ATL3: variants seen among roughly 807,000 people sequenced by gnomAD.
ATL3 encodes the protein atlastin-3.
A neutral mutation model predicts 69.5 loss-of-function variants in ATL3; 49 were observed. The observed-to-expected ratio is 0.71, with a 90% CI of 0.56 to 0.89. ATL3 has a LOEUF of 0.89. ATL3 is among the 40% of genes least tolerant of loss of function. The probability of loss-of-function intolerance (pLI) is 0.00; values close to 1 mark genes in which losing one functional copy is unlikely to be tolerated. For missense variants in ATL3, 606 were observed against 645.7 expected, an observed-to-expected ratio of 0.94 and a Z score of 0.67; for synonymous variants, 214 against 224.1, an observed-to-expected ratio of 0.95 and a Z score of 0.40.
intron 10 of ATL3, among the ~76,000 whole-genome samples, chr11:63,633,638 C>T (rs1485978841): frequency 1.3e-5 from 2 of 151,418 alleles, no homozygotes; most frequent in African/African-American, 4.9e-5. Flanking sequence ...CCCACCTCAG[C>T]CTCCCAAAGT....
Position 63,644,149 on chromosome 11 carries a change from A to T in ATL3, c.711+20T>A. ...TCACTACTTTGAGATAATTCATCAG[A>T]AGATTATAGTCCCACTTACCTGTAA... On this transcript the variant is annotated intron_variant, in intron 7 of 12. Transcript: ENST00000398868. The T allele has an allele frequency of 6.7e-7, 1 of 1,492,544 alleles. No homozygotes were observed. Among genetic ancestry groups the T allele is most frequent in the Non-Finnish European group, 9.2e-7 (1 of 1,082,210 alleles). The allele number at this position is 1,492,544 out of a possible 1,614,324, so 92.5% of individuals were successfully genotyped here. A position where few individuals can be genotyped will look rare whatever the true frequency, so the allele number is the denominator to read the frequency against.
chr11:63,638,544 A>G (rs1423111780), intron 8 of ATL3, among the ~76,000 whole-genome samples: 1 of 152,140 alleles, frequency 6.6e-6, no homozygotes, highest in Non-Finnish European at 1.5e-5. Context: ...GTTTCTACTA[A>G]AAACACAAAA....
chr11:63,667,246 A>G (rs1940596116), intron 1 of ATL3, among the ~76,000 whole-genome samples: 2 of 152,138 alleles, frequency 1.3e-5, no homozygotes, highest in Admixed American at 6.6e-5. Context: ...GGACTACTTC[A>G]TTGCTGTAAA....
At chr11:63,635,451 C>A in intron 10 of ATL3, 83 bp downstream of exon 10, 1 of 1,211,086 alleles carries the variant, frequency 8.3e-7, no homozygotes, top group Non-Finnish European at 1.2e-6. Flanking sequence ...AGTGCATTCT[C>A]TTCCTAAAGA....
At chr11:63,640,594 C>CTTTTT (rs1172516886) in intron 8 of ATL3, among the ~76,000 whole-genome samples, 1 of 84,346 alleles carries the variant, frequency 1.2e-5, no homozygotes, top group Non-Finnish European at 2.2e-5. Flanking sequence ...ACCATAGTAT[C>CTTTTT]TTTTTTTTTT....
Position 63,629,165 on chromosome 11 carries a change from G to T in ATL3, c.*154C>A. On this transcript the variant is annotated 3_prime_UTR_variant, in exon 13 of 13. Coordinates refer to ENST00000398868, the MANE Select transcript of ATL3 (RefSeq NM_015459.5). ...TGTGTTTAATAATTTGAAACCACAG[G>T]AGAGGTCTGCTCATTTATTACAGGG... 1.6e-6 allele frequency: 1 copy of T among 621,624 alleles called. No individual in the cohort carries two copies. 38.5% of individuals were successfully genotyped at this position (621,624 alleles called of 1,614,324 possible).
At chr11:63,660,144 T>C (rs1417691007) in intron 1 of ATL3, among the ~76,000 whole-genome samples, 1 of 150,928 alleles carries the variant, frequency 6.6e-6, no homozygotes, top group Non-Finnish European at 1.5e-5. Flanking sequence ...TTCATTAAAA[T>C]TAAAAACTTT....
chr11:63,647,030 A>T (rs1285195570), intron 5 of ATL3, among the ~76,000 whole-genome samples: 1 of 152,120 alleles, frequency 6.6e-6, no homozygotes, highest in African/African-American at 2.4e-5. Context: ...GGACCTTCGT[A>T]CTGGCTCCTC....
At chr11:63,630,893 A>C (rs1049238849) in intron 12 of ATL3, 147 bp downstream of exon 12, 7 of 661,916 alleles carry the variant, frequency 1.1e-5, no homozygotes, top group Non-Finnish European at 1.7e-5. Context: ...ATAATAAAAC[A>C]TACAGTCTAT....
rs751929370 is a variant in ATL3 at position 63,644,258 on chromosome 11, G to C, written c.622C>G (p.Leu208Val). 1.9e-6 allele frequency: 3 copies of C among 1,590,926 alleles called. No individual in the cohort carries two copies. The highest frequency in any genetic ancestry group is 1.3e-5 in the African/African-American group (1 of 74,274). Residue 208 changes from leucine to valine, a missense_variant, in exon 7 of 13, where the codon CTG becomes GTG. Physicochemically the swap from Leu to Val is conservative, Grantham distance 32 (BLOSUM62 1). Coordinates refer to ENST00000398868, the MANE Select transcript of ATL3 (RefSeq NM_015459.5). ...DEIFQKPFQTLMFLVRDWSFP... is the reference protein window; with the variant it reads ...DEIFQKPFQTVMFLVRDWSFP... The stretch of plus-strand genomic sequence containing the variant: ...CTCCAATCTCTAACCAAAAACATCA[G>C]TGTCTATTTAAGAAAAGAGCGGAAC...
intron 1 of ATL3, among the ~76,000 whole-genome samples, chr11:63,668,616 C>G (rs1940661800): frequency 6.6e-6 from 1 of 151,978 alleles, no homozygotes; most frequent in Non-Finnish European, 1.5e-5. Context: ...TTATCTATGA[C>G]TAAATGGTAC....
chr11:63,662,050 T>C (rs1940438389), intron 1 of ATL3, among the ~76,000 whole-genome samples: 2 of 150,460 alleles, frequency 1.3e-5, no homozygotes, highest in South Asian at 4.2e-4. Flanking sequence ...CCATCTCTAC[T>C]AAAAATACAA....
rs1172516886 is a variant in ATL3, at chr11:63,640,594, CTTTTTTTTTTTT to C, written c.850+2751_850+2762del. On this transcript the variant is annotated intron_variant, in intron 8 of 12. Transcript: ENST00000398868. ...TATGATAATAATGCTACCATAGTATCTTTTTTTTTTTTTTTTTTTTTTTTTTTGAGACAGGGT... is the reference window on the plus strand; with the variant it reads ...TATGATAATAATGCTACCATAGTATCTTTTTTTTTTTTTTTGAGACAGGGT... Among the ~76,000 whole-genome samples the C allele has an allele frequency of 1.4e-3, 117 of 84,336 alleles. 2 individuals carry two copies. The East Asian group carries it at 0.038, about 28-fold the overall frequency. The allele number at this position is 84,336 out of a possible 152,430, so 55.3% of individuals were successfully genotyped here.
At chr11:63,658,105 C>G (rs1004143944) in intron 3 of ATL3, among the ~76,000 whole-genome samples, 12 of 152,170 alleles carry the variant, frequency 7.9e-5, no homozygotes, top group African/African-American at 2.9e-4. Flanking sequence ...ATCTGCCCAC[C>G]CTGGCCTCCC....
chr11:63,637,000 C>T (rs1482993851), intron 8 of ATL3, among the ~76,000 whole-genome samples: 3 of 152,098 alleles, frequency 2.0e-5, no homozygotes, highest in Admixed American at 1.3e-4. Flanking sequence ...ATTTGATGGC[C>T]GTGCGTGGTG....
At chr11:63,637,489 A>C (rs1939560418) in intron 8 of ATL3, among the ~76,000 whole-genome samples, 1 of 152,176 alleles carries the variant, frequency 6.6e-6, no homozygotes, top group Non-Finnish European at 1.5e-5. Flanking sequence ...TTATCTCCTC[A>C]GAGACCCTCG....
At position 63,631,145 on chromosome 11, in the gene ATL3, T is replaced by C. The variant is rs189119869; in HGVS notation, c.1434A>G (p.Gly478=). ...VVAQLFNCMV[G]LLLIALLTWG... is the part of the protein sequence containing the mutation. Reference sequence around the variant, plus strand: ...AGGTGAGGAGTGCTATTAACAGTAGTCCAACCATACAGTTGAACAACTGGG... The same window carrying C: ...AGGTGAGGAGTGCTATTAACAGTAGCCCAACCATACAGTTGAACAACTGGG... Residue 478 remains glycine (G), a synonymous_variant, in exon 12 of 13, where the codon GGA becomes GGG. Transcript: ENST00000398868. The C allele has an allele frequency of 3.6e-3, 5,879 of 1,614,170 alleles. 38 individuals are homozygous for C. The highest frequency in any genetic ancestry group is 3.6e-3 in the Non-Finnish European group (4,260 of 1,180,030).
Position 63,628,557 on chromosome 11 carries a change from C to A in ATL3, c.*762G>T, listed in dbSNP as rs1939194544. The A allele has an allele frequency of 6.6e-6, 1 of 152,106 alleles. No homozygotes were observed. The highest frequency in any genetic ancestry group is 2.1e-4 in the South Asian group (1 of 4,830). 9.4% of individuals were successfully genotyped at this position (152,106 alleles called of 1,614,324 possible). Reference sequence around the variant, plus strand: ...AAAAAAGGAATCCTTCTTGGCCGGGCACGGTGGCTCACGCCTGTAATCCCA... The same window carrying A: ...AAAAAAGGAATCCTTCTTGGCCGGGAACGGTGGCTCACGCCTGTAATCCCA... On this transcript the variant is annotated 3_prime_UTR_variant, in exon 13 of 13. Coordinates refer to ENST00000398868, the MANE Select transcript of ATL3 (RefSeq NM_015459.5).
chr11:63,645,181 T>G (rs1262185552), intron 6 of ATL3, among the ~76,000 whole-genome samples: 1 of 151,868 alleles, frequency 6.6e-6, no homozygotes, highest in African/African-American at 2.4e-5. Flanking sequence ...CCGAAGCAGG[T>G]GGGTCACCTG....
Sources: allele counts gnomAD v4.1 joint callset (sites outside exome capture counted in the v4.1 genomes callset), GRCh38; gene constraint gnomAD v4.1.1; transcripts MANE v1.5; gene names NCBI Gene and HGNC (gene_info 2026-07-23, HGNC 2026-07-21).